DPP8: variants seen among roughly 807,000 people sequenced by gnomAD.
DPP8 encodes the protein dipeptidyl peptidase 8.
In DPP8, 31 loss-of-function variants were observed where a neutral mutation model predicts 107.5. The observed-to-expected ratio is 0.29, with a 90% CI of 0.22 to 0.39. The LOEUF is 0.39. Among genes scored for constraint, DPP8 ranks in the 10% least tolerant of loss-of-function variants. The probability of loss-of-function intolerance (pLI) is 1.00; values close to 1 mark genes in which losing one functional copy is unlikely to be tolerated. For missense variants in DPP8, 842 were observed against 1,076.1 expected, an observed-to-expected ratio of 0.78 and a Z score of 3.04; for synonymous variants, 381 against 356.6, an observed-to-expected ratio of 1.07 and a Z score of -0.77.
At position 65,442,758 on chromosome 15, in the gene DPP8, T is replaced by G. The variant is rs1047108623; in HGVS notation, c.*4126A>C. The G allele has an allele frequency of 6.6e-6, 1 of 152,232 alleles. No individual in the cohort carries two copies. Among genetic ancestry groups the G allele is most frequent in the Non-Finnish European group, 1.5e-5 (1 of 68,034 alleles). The allele number at this position is 152,232 out of a possible 1,614,324, so 9.4% of individuals were successfully genotyped here. The stretch of plus-strand genomic sequence containing the variant: ...TTTTTCTTTATCTGTAAAGGACTTA[T>G]GAAATGATCACCTAGAGCCCAGGAC... On this transcript the variant is annotated 3_prime_UTR_variant, in exon 20 of 20. Transcript: ENST00000300141.
chr15:65,456,216 C>T lies in DPP8; in HGVS notation c.2118+9G>A. ...GTCTGTAAAAGAAAAGTGTTTTATG[C>T]TCACACACCATTTTATATTTAAAGG... On this transcript the variant is annotated intron_variant, in intron 16 of 19. Coordinates refer to ENST00000300141, the MANE Select transcript of DPP8 (RefSeq NM_130434.5). 4 of 1,603,094 alleles carry T rather than the reference C, an allele frequency of 2.5e-6. No homozygotes were observed. The highest frequency in any genetic ancestry group is 3.4e-6 in the Non-Finnish European group (4 of 1,177,294).
chr15:65,483,589 T>TA (rs1374979674), intron 8 of DPP8, among the ~76,000 whole-genome samples: 3 of 59,498 alleles, frequency 5.0e-5, no homozygotes, highest in Non-Finnish European at 8.8e-5. Context: ...CTTCAAACAA[T>TA]AAAATAAAAT....
intron 19 of DPP8, among the ~76,000 whole-genome samples, chr15:65,448,976 A>G (rs1174027671): frequency 1.5e-5 from 2 of 133,930 alleles, no homozygotes; most frequent in Non-Finnish European, 3.2e-5. Flanking sequence ...TTGGAGGCCA[A>G]GGCCTCAAAT....
In DPP8 at chr15:65,507,327, T is replaced by C; in HGVS notation, c.288A>G (p.Thr96=). 6.2e-7 allele frequency: 1 copy of C among 1,610,380 alleles called. No homozygotes were observed. Among genetic ancestry groups the C allele is most frequent in the Non-Finnish European group, 8.5e-7 (1 of 1,177,030 alleles). Residue 96 remains threonine, a synonymous_variant, in exon 3 of 20, where the codon ACA becomes ACG. Coordinates refer to ENST00000300141, the MANE Select transcript of DPP8 (RefSeq NM_130434.5). ...LAMSGENREN[T]LFYSEIPKTI... ...TTTTGGGAATTTCAGAATAAAACAG[T>C]GTATTTTCTCTGTTCTCACCAGACA... is the stretch of plus-strand genomic sequence containing the variant.
Position 65,467,170 on chromosome 15 carries a change from G to A in DPP8, c.1590C>T (p.Ser530=), listed in dbSNP as rs1373042344. ...RLVYFEGTKD[S]PLEHHLYVVS... Reference sequence around the variant, plus strand: ...CTACGTACAGGTGATGCTCTAAAGGGGAGTCTTTGGTGCCTTCAAAATATA... The same window carrying A: ...CTACGTACAGGTGATGCTCTAAAGGAGAGTCTTTGGTGCCTTCAAAATATA... The change falls in exon 13 of 20, where the codon TCC becomes TCT. Residue 530 remains serine (S), a synonymous_variant. Coordinates refer to ENST00000300141, the MANE Select transcript of DPP8 (RefSeq NM_130434.5). The A allele has an allele frequency of 1.9e-6, 3 of 1,614,000 alleles. 1 individual carries two copies. The South Asian group carries it at 3.3e-5, about 18-fold the overall frequency.
intron 1 of DPP8, among the ~76,000 whole-genome samples, chr15:65,513,265 G>A (rs908396050): frequency 3.3e-5 from 5 of 151,484 alleles, no homozygotes; most frequent in African/African-American, 1.2e-4. Flanking sequence ...CCAGACTGGA[G>A]TGCGGTGGCA....
chr15:65,486,878 T>C lies in DPP8; in HGVS notation c.955+812A>G, dbSNP rs1486011793. 2.6e-5 allele frequency among the ~76,000 whole-genome samples: 4 copies of C among 152,150 alleles called. No individual in the cohort carries two copies. In the East Asian group the frequency reaches 7.7e-4, roughly 29 times the overall value. Reference sequence around the variant, plus strand: ...ATAAAAGACTACACATTGGGTACAGTGTACACTGCTCGGGTGACGGGTGCA... The same window carrying C: ...ATAAAAGACTACACATTGGGTACAGCGTACACTGCTCGGGTGACGGGTGCA... On this transcript the variant is annotated intron_variant, in intron 7 of 19. Coordinates refer to ENST00000300141, the MANE Select transcript of DPP8 (RefSeq NM_130434.5).
intron 5 of DPP8, among the ~76,000 whole-genome samples, chr15:65,492,689 G>A (rs1021442384): frequency 1.3e-5 from 2 of 151,684 alleles, no homozygotes; most frequent in African/African-American, 2.4e-5. Flanking sequence ...TTCATCTCCT[G>A]GGCTCAAGCA....
intron 12 of DPP8, among the ~76,000 whole-genome samples, chr15:65,473,927 C>A (rs2066142129): frequency 6.6e-6 from 1 of 152,014 alleles, no homozygotes; most frequent in Non-Finnish European, 1.5e-5. Context: ...CATGGTGAAA[C>A]CCCGTGTCTA....
chr15:65,444,558 T>A lies in DPP8; in HGVS notation c.*2326A>T, dbSNP rs565545723. The A allele has an allele frequency of 1.3e-5, 2 of 152,296 alleles. No individual in the cohort carries two copies. The highest frequency in any genetic ancestry group is 4.1e-4 in the South Asian group (2 of 4,830). 9.4% of individuals were successfully genotyped at this position (152,296 alleles called of 1,614,324 possible). A position where few individuals can be genotyped will look rare whatever the true frequency, so the allele number is the denominator to read the frequency against. ...CACTGATTGTAAAAAGCAAATTCAG[T>A]CAAACTGTCTTTCTGTAAGAGAATT... On this transcript the variant is annotated 3_prime_UTR_variant, in exon 20 of 20. Coordinates refer to ENST00000300141, the MANE Select transcript of DPP8 (RefSeq NM_130434.5).
chr15:65,484,973 T>C, intron 8 of DPP8, 126 bp downstream of exon 8: 1 of 745,842 alleles, frequency 1.3e-6, no homozygotes, highest in South Asian at 1.6e-5. Flanking sequence ...CAATCTAAAA[T>C]CATGATCCAC....
At position 65,443,607 on chromosome 15, in the gene DPP8, G is replaced by A. The variant is rs547463886; in HGVS notation, c.*3277C>T. ...TTGGAAAAGAACCAGGAATGGCATA[G>A]AGAGAAAAACTTTCATTCCAAAATT... On this transcript the variant is annotated 3_prime_UTR_variant, in exon 20 of 20. Transcript: ENST00000300141. The A allele has an allele frequency of 1.3e-5, 2 of 152,244 alleles. No individual in the cohort carries two copies. The highest frequency in any genetic ancestry group is 4.8e-5 in the African/African-American group (2 of 41,554). 9.4% of individuals were successfully genotyped at this position (152,244 alleles called of 1,614,324 possible). A position where few individuals can be genotyped will look rare whatever the true frequency, so the allele number is the denominator to read the frequency against.
At position 65,446,716 on chromosome 15, in the gene DPP8, T is replaced by A. The variant is rs567017672; in HGVS notation, c.*168A>T. On this transcript the variant is annotated 3_prime_UTR_variant, in exon 20 of 20. Coordinates refer to ENST00000300141, the MANE Select transcript of DPP8 (RefSeq NM_130434.5). ...AGCATGTGGGGTTAAGGTATTAGATTACTACCACAAACCGTAGACCCCTGC... is the reference window on the plus strand; with the variant it reads ...AGCATGTGGGGTTAAGGTATTAGATAACTACCACAAACCGTAGACCCCTGC... 2.3e-6 allele frequency: 1 copy of A among 438,776 alleles called. No homozygotes were observed. Among genetic ancestry groups the A allele is most frequent in the Admixed American group, 4.4e-5 (1 of 22,918 alleles). The allele number at this position is 438,776 out of a possible 1,614,324, so 27.2% of individuals were successfully genotyped here.
chr15:65,453,166 A>C (rs953957847), intron 17 of DPP8, among the ~76,000 whole-genome samples: 23 of 152,190 alleles, frequency 1.5e-4, no homozygotes, highest in Non-Finnish European at 2.8e-4. Context: ...TTTAATAATT[A>C]ATTCATTCAA....
intron 15 of DPP8, chr15:65,459,472 T>C (rs1319341594): frequency 6.6e-6 from 1 of 151,352 alleles, no homozygotes; most frequent in Non-Finnish European, 1.5e-5. Flanking sequence ...CCAGCCCAGA[T>C]TCTTCTCTGG....
chr15:65,512,237 G>A, intron 2 of DPP8, 58 bp downstream of exon 2: 2 of 1,515,954 alleles, frequency 1.3e-6, no homozygotes, highest in Admixed American at 3.7e-5. Context: ...ATTATACCTA[G>A]ACTTTAAGTT....
At chr15:65,449,572 G>C (rs977670267) in intron 19 of DPP8, among the ~76,000 whole-genome samples, 1 of 151,854 alleles carries the variant, frequency 6.6e-6, no homozygotes, top group Non-Finnish European at 1.5e-5. Flanking sequence ...ACCACACCTA[G>C]CTAATTTTTG....
Position 65,444,758 on chromosome 15 carries a change from G to A in DPP8, c.*2126C>T, listed in dbSNP as rs1478202404. On this transcript the variant is annotated 3_prime_UTR_variant, in exon 20 of 20. Transcript: ENST00000300141. The stretch of plus-strand genomic sequence containing the variant: ...AGTTTGTTTCGGTAAAATAAGAGAT[G>A]CCACTTTGAAGAAACAGCCTTAATG... 6.6e-6 allele frequency: 1 copy of A among 152,168 alleles called. No individual in the cohort carries two copies. The highest frequency in any genetic ancestry group is 1.5e-5 in the Non-Finnish European group (1 of 68,028). 9.4% of individuals were successfully genotyped at this position (152,168 alleles called of 1,614,324 possible).
chr15:65,447,894 T>C (rs2063587354), intron 19 of DPP8, among the ~76,000 whole-genome samples: 1 of 152,192 alleles, frequency 6.6e-6, no homozygotes, highest in South Asian at 2.1e-4. Context: ...ATGAGCTCAG[T>C]AGTAATATTA....
Sources: gnomAD v4.1 joint callset for allele counts (sites outside exome capture counted in the v4.1 genomes callset) on GRCh38, gnomAD v4.1.1 for gene constraint, MANE v1.5 for transcripts, NCBI Gene and HGNC (gene_info 2026-07-23, HGNC 2026-07-21) for gene names.